Variants in IGF1R observed in about 807,000 individuals in gnomAD.
The protein encoded by IGF1R is insulin like growth factor 1 receptor, also known as insulin-like growth factor 1 receptor.
IGF1R carries 44 observed loss-of-function variants against 144.6 expected under a neutral mutation model. The ratio of observed to expected loss-of-function variants is 0.30; its 90% confidence interval spans 0.24 to 0.39. The LOEUF is 0.39. Ranked by LOEUF, IGF1R falls within the 10% of genes least tolerant of loss-of-function variation. The probability of loss-of-function intolerance (pLI) is 1.00; values close to 1 mark genes in which losing one functional copy is unlikely to be tolerated. For missense variants in IGF1R, 1,355 were observed against 1,833.7 expected, an observed-to-expected ratio of 0.74 and a Z score of 4.77; for synonymous variants, 795 against 722.8, an observed-to-expected ratio of 1.10 and a Z score of -1.60.
chr15:98,832,028 A>G (rs2057010885), intron 2 of IGF1R, among the ~76,000 whole-genome samples: 2 of 152,174 alleles, frequency 1.3e-5, no homozygotes, highest in Admixed American at 6.5e-5. Context: ...CAGCATGTCA[A>G]GAGTGCCATG....
At chr15:98,923,729 G>A (rs145339990) in intron 11 of IGF1R, 147 bp from the exon 12 acceptor site, 15 of 704,844 alleles carry the variant, frequency 2.1e-5, no homozygotes, top group East Asian at 1.1e-4. Flanking sequence ...TCCTGCCCGC[G>A]TGGATGGGGG....
chr15:98,707,126 G>T lies in IGF1R; in HGVS notation c.95-436G>T, dbSNP rs550718203. ...TTGCCCTGTGTCCTTCAGGCAGGGT[G>T]CAGTAGTAAGTTATTGATACTTGGC... On this transcript the variant is annotated intron_variant, in intron 1 of 20. Coordinates refer to ENST00000650285, the MANE Select transcript of IGF1R (RefSeq NM_000875.5). This position sits in a 1 kb window ranked among gnomAD's most constrained non-coding sequence, Gnocchi z 6.7. Among the ~76,000 whole-genome samples, 7 of 152,308 alleles carry T rather than the reference G, an allele frequency of 4.6e-5. No individual in the cohort carries two copies. The South Asian group carries it at 1.4e-3, about 32-fold the overall frequency.
At chr15:98,761,232 G>A (rs756557694) in intron 2 of IGF1R, among the ~76,000 whole-genome samples, 3 of 152,230 alleles carry the variant, frequency 2.0e-5, no homozygotes, top group South Asian at 2.1e-4. Flanking sequence ...GTTGGCTGGC[G>A]TTGTCTCTGA....
At chr15:98,886,279 T>C (rs1335902590) in intron 2 of IGF1R, among the ~76,000 whole-genome samples, 2 of 152,194 alleles carry the variant, frequency 1.3e-5, no homozygotes, top group African/African-American at 4.8e-5. Flanking sequence ...TGTGTGACTC[T>C]TTTTCCTCTC....
chr15:98,824,263 A>G (rs1053871267), intron 2 of IGF1R: 3 of 152,194 alleles, frequency 2.0e-5, no homozygotes, highest in African/African-American at 7.2e-5. Flanking sequence ...AACGGCTCAC[A>G]TAATTAGGCA....
chr15:98,695,226 G>C (rs2053569436), intron 1 of IGF1R, among the ~76,000 whole-genome samples: 1 of 152,264 alleles, frequency 6.6e-6, no homozygotes, highest in Non-Finnish European at 1.5e-5. Flanking sequence ...TTTACATGTG[G>C]GTTATGAGAT....
At chr15:98,913,313 C>A in intron 8 of IGF1R, 31 bp downstream of exon 8, 1 of 1,542,960 alleles carries the variant, frequency 6.5e-7, no homozygotes, top group Non-Finnish European at 9.0e-7. Context: ...CCCCAGCATC[C>A]ACACTTCTTC....
At chr15:98,812,656 C>T (rs1355638082) in intron 2 of IGF1R, among the ~76,000 whole-genome samples, 1 of 152,170 alleles carries the variant, frequency 6.6e-6, no homozygotes, top group Non-Finnish European at 1.5e-5. Context: ...CCGTGCCCGG[C>T]CAAAAAAGCT....
intron 7 of IGF1R, 66 bp from the exon 8 acceptor site, chr15:98,912,977 TG>T: frequency 9.7e-7 from 1 of 1,034,636 alleles, no homozygotes; most frequent in Admixed American, 1.7e-5. Flanking sequence ...GCTGGGCCTC[TG>T]GGGAAGATTT....
intron 5 of IGF1R, among the ~76,000 whole-genome samples, 166 bp downstream of exon 5, chr15:98,899,787 G>T (rs2014387173): frequency 6.6e-6 from 1 of 152,132 alleles, no homozygotes; most frequent in Non-Finnish European, 1.5e-5. Context: ...TGGAGTCATG[G>T]TTCTCCATTC....
intron 5 of IGF1R, among the ~76,000 whole-genome samples, chr15:98,904,287 C>T (rs979754159): frequency 6.6e-5 from 10 of 152,012 alleles, no homozygotes; most frequent in African/African-American, 1.7e-4. Context: ...CATCTGACCT[C>T]GTGATCTGCC....
chr15:98,869,681 C>G (rs974207109), intron 2 of IGF1R, among the ~76,000 whole-genome samples: 1 of 152,094 alleles, frequency 6.6e-6, no homozygotes, highest in Non-Finnish European at 1.5e-5. Context: ...GTGATCCACG[C>G]GCCTCACCCT....
chr15:98,906,962 G>A (rs896813679), intron 5 of IGF1R, among the ~76,000 whole-genome samples: 3 of 152,246 alleles, frequency 2.0e-5, no homozygotes, highest in Non-Finnish European at 4.4e-5. Flanking sequence ...TCAGGAAAGG[G>A]TTGGGCTTCA....
chr15:98,832,850 AG>A (rs1412119878), intron 2 of IGF1R, among the ~76,000 whole-genome samples: 1 of 152,238 alleles, frequency 6.6e-6, no homozygotes, highest in South Asian at 2.1e-4. Flanking sequence ...TCTCTGTTAC[AG>A]GTTTGTGAAA....
intron 2 of IGF1R, 129 bp downstream of exon 2, chr15:98,708,236 G>A: frequency 1.2e-6 from 1 of 822,312 alleles, no homozygotes; most frequent in Non-Finnish European, 2.0e-6. Flanking sequence ...TTAGGACGTG[G>A]CATGCCTGCT....
At chr15:98,812,619 A>G (rs1366610439) in intron 2 of IGF1R, among the ~76,000 whole-genome samples, 1 of 151,996 alleles carries the variant, frequency 6.6e-6, no homozygotes, top group African/African-American at 2.4e-5. Context: ...CAGCCTCCCA[A>G]AGTGCTGGGA....
At chr15:98,829,111 C>A (rs958893368) in intron 2 of IGF1R, among the ~76,000 whole-genome samples, 18 of 152,022 alleles carry the variant, frequency 1.2e-4, no homozygotes, top group Non-Finnish European at 2.1e-4. Flanking sequence ...TAAAAATAAC[C>A]GCCAATTCAG....
intron 2 of IGF1R, among the ~76,000 whole-genome samples, chr15:98,733,980 G>A (rs1395408386): frequency 6.6e-6 from 1 of 152,168 alleles, no homozygotes; most frequent in Non-Finnish European, 1.5e-5. Flanking sequence ...ACACACTGTA[G>A]TGGCGATTGA....
intron 2 of IGF1R, among the ~76,000 whole-genome samples, chr15:98,714,650 A>G (rs1265965060): frequency 1.6e-5 from 2 of 124,578 alleles, no homozygotes; most frequent in Admixed American, 7.4e-5. Flanking sequence ...CCTGTCTGAG[A>G]AAAAAAAAAA....
Sources: allele counts gnomAD v4.1 joint callset (sites outside exome capture counted in the v4.1 genomes callset), GRCh38; gene constraint gnomAD v4.1.1; non-coding constraint Gnocchi (gnomAD v3.1); transcripts MANE v1.5; gene names NCBI Gene and HGNC (gene_info 2026-07-23, HGNC 2026-07-21).